Variants in GPCPD1 observed in about 807,000 individuals in gnomAD.
GPCPD1 encodes glycerophosphocholine phosphodiesterase GPCPD1.
In GPCPD1, 29 loss-of-function variants were observed where a neutral mutation model predicts 89.2. That is an observed-to-expected ratio of 0.33 (90% confidence interval 0.24 to 0.44). The LOEUF (loss-of-function observed/expected upper bound fraction) is 0.44, where lower values mean the gene tolerates loss of function less well. GPCPD1 is among the 20% of genes least tolerant of loss of function. The pLI is 1.00. For missense variants in GPCPD1, 594 were observed against 808.9 expected (o/e 0.73, Z 3.22); for synonymous variants, 258 against 266.3 (o/e 0.97, Z 0.30).
rs553111462 is a variant in GPCPD1, at chr20:5,589,988, A to T, written c.231+3339T>A. Among the ~76,000 whole-genome samples, 11 of 152,338 alleles carry T rather than the reference A, an allele frequency of 7.2e-5. No individual in the cohort carries two copies. In the East Asian group the frequency reaches 7.7e-4, roughly 11 times the overall value. ...CATGTATATTAACAAAAATATTTTT[A>T]AAAATTTCTTCCCACAAGAATAAGT... is the stretch of plus-strand genomic sequence containing the variant. On this transcript the variant is annotated intron_variant, in intron 4 of 19. Coordinates refer to ENST00000379019, the MANE Select transcript of GPCPD1 (RefSeq NM_019593.5).
At position 5,586,221 on chromosome 20, in the gene GPCPD1, G is replaced by C; in HGVS notation, c.280C>G (p.Leu94Val). 6.3e-7 allele frequency: 1 copy of C among 1,596,172 alleles called. No individual in the cohort carries two copies. Among genetic ancestry groups the C allele is most frequent in the Non-Finnish European group, 8.6e-7 (1 of 1,163,846 alleles). Residue 94 changes from leucine to valine, a missense_variant, in exon 5 of 20, where the codon CTA becomes GTA. Transcript: ENST00000379019. ...AAAGGGGTTATTGATCGTGGTTGTA[G>C]ATGAGTCTCCCACTTGTGAACTATC... ...QVIVHKWETH[L>V]QPRSITPLES...
intron 18 of GPCPD1, among the ~76,000 whole-genome samples, 185 bp downstream of exon 18, chr20:5,558,499 T>A (rs1985902742): frequency 6.6e-6 from 1 of 152,196 alleles, no homozygotes; most frequent in African/African-American, 2.4e-5. Flanking sequence ...TATAACAAAT[T>A]TTGTACTTAA....
At chr20:5,570,292 T>G in intron 11 of GPCPD1, 53 bp from the exon 12 acceptor site, 4 of 857,236 alleles carry the variant, frequency 4.7e-6, no homozygotes, top group South Asian at 1.5e-5. Context: ...ACAGTACCTC[T>G]CAAACTGCAA....
chr20:5,558,510 T>C (rs927913026), intron 18 of GPCPD1, among the ~76,000 whole-genome samples, 174 bp downstream of exon 18: 1 of 152,250 alleles, frequency 6.6e-6, no homozygotes, highest in Non-Finnish European at 1.5e-5. Context: ...TTGTACTTAA[T>C]GTAATTGTTT....
At chr20:5,579,920 T>C (rs913618177) in intron 7 of GPCPD1, 88 bp downstream of exon 7, 2 of 775,918 alleles carry the variant, frequency 2.6e-6, no homozygotes, top group African/African-American at 3.5e-5. Context: ...TCCCAAACTG[T>C]ACACTTAAAG....
intron 3 of GPCPD1, among the ~76,000 whole-genome samples, chr20:5,595,302 AAAAT>A (rs1271100906): frequency 2.0e-5 from 3 of 152,050 alleles, no homozygotes; most frequent in Non-Finnish European, 4.4e-5. Context: ...ATAATAATAA[AAAAT>A]AAATAAATAA....
rs189049042 is a variant in GPCPD1, at chr20:5,555,500, T to C, written c.1829+2445A>G. ...GTTGCAGTGAGCCGAGATTGTGCCA[T>C]TGCACTGCAGCCTGGGCGACAGAGC... On this transcript the variant is annotated intron_variant, in intron 19 of 19. Coordinates refer to ENST00000379019, the MANE Select transcript of GPCPD1 (RefSeq NM_019593.5). Among the ~76,000 whole-genome samples the C allele has an allele frequency of 3.8e-3, 578 of 152,198 alleles. 3 individuals are homozygous for C. Among genetic ancestry groups the C allele is most frequent in the African/African-American group, 0.014 (568 of 41,534 alleles).
chr20:5,575,105 CAG>C (rs1244661918), intron 10 of GPCPD1, among the ~76,000 whole-genome samples: 10 of 152,146 alleles, frequency 6.6e-5, no homozygotes, highest in African/African-American at 1.9e-4. Context: ...AACTCAGACT[CAG>C]AGAGGGCAAC....
chr20:5,580,727 C>CA (rs35415062), intron 6 of GPCPD1, among the ~76,000 whole-genome samples: 31,312 of 85,696 alleles, frequency 0.37, 4,049 homozygotes, highest in East Asian at 0.52. Flanking sequence ...CTCCATCTCA[C>CA]AAAAAAAAAA....
Position 5,557,215 on chromosome 20 carries a change from G to C in GPCPD1, c.1829+730C>G, listed in dbSNP as rs73604574. 7.5e-3 allele frequency among the ~76,000 whole-genome samples: 1,144 copies of C among 152,288 alleles called. 8 individuals are homozygous for C. The highest frequency in any genetic ancestry group is 0.026 in the African/African-American group (1,067 of 41,542). ...ACAGAAAACTGTGGGAGAGTTTTAA[G>C]TAGCAACATGATCAGACATAGGTCT... is the stretch of plus-strand genomic sequence containing the variant. On this transcript the variant is annotated intron_variant, in intron 19 of 19. Transcript: ENST00000379019.
At chr20:5,584,610 T>C (rs1978783485) in intron 5 of GPCPD1, 1 of 196,312 alleles carries the variant, frequency 5.1e-6, no homozygotes, top group Non-Finnish European at 1.0e-5. Flanking sequence ...GATTAACTTC[T>C]ACACTAACCA....
At chr20:5,585,130 T>C (rs1023878943) in intron 5 of GPCPD1, 6 of 152,304 alleles carry the variant, frequency 3.9e-5, no homozygotes, top group South Asian at 2.1e-4. Context: ...CATAATAAAA[T>C]ATATTTAACT....
intron 19 of GPCPD1, among the ~76,000 whole-genome samples, chr20:5,556,487 A>G (rs1325061433): frequency 6.6e-6 from 1 of 152,220 alleles, no homozygotes; most frequent in East Asian, 1.9e-4. Context: ...TACAGGCGTG[A>G]GCCACTGCGC....
At chr20:5,598,178 A>G (rs1336603039) in intron 3 of GPCPD1, among the ~76,000 whole-genome samples, 1 of 146,542 alleles carries the variant, frequency 6.8e-6, no homozygotes, top group African/African-American at 2.6e-5. Context: ...TTTGTGCCAA[A>G]AAAAACCCCA....
intron 6 of GPCPD1, among the ~76,000 whole-genome samples, chr20:5,582,152 C>G (rs1376907606): frequency 1.6e-5 from 2 of 128,808 alleles, no homozygotes; most frequent in African/African-American, 5.9e-5. Context: ...CGCCACTGCA[C>G]TCCAGCCTGG....
rs1312381024 is a variant in GPCPD1, at chr20:5,587,441, T to C, written c.232-1172A>G. Among the ~76,000 whole-genome samples the C allele has an allele frequency of 3.9e-5, 6 of 151,938 alleles. No homozygotes were observed. The East Asian group carries it at 7.7e-4, about 19-fold the overall frequency. Reference sequence around the variant, plus strand: ...TAAAGTGCAATGGCACAATCTCGGCTCACTGCACCCTTGCCTCCTGGGTTC... The same window carrying C: ...TAAAGTGCAATGGCACAATCTCGGCCCACTGCACCCTTGCCTCCTGGGTTC... On this transcript the variant is annotated intron_variant, in intron 4 of 19. Coordinates refer to ENST00000379019, the MANE Select transcript of GPCPD1 (RefSeq NM_019593.5).
chr20:5,584,118 CAT>C (rs1467530572), intron 6 of GPCPD1, among the ~76,000 whole-genome samples, 161 bp downstream of exon 6: 1 of 152,142 alleles, frequency 6.6e-6, no homozygotes, highest in African/African-American at 2.4e-5. Context: ...TCATTATAAT[CAT>C]ATGAGACTGC....
At chr20:5,593,302 T>C (rs749245289) in intron 4 of GPCPD1, 25 bp downstream of exon 4, 2 of 1,187,516 alleles carry the variant, frequency 1.7e-6, no homozygotes. Context: ...CTAAAGGAAT[T>C]GGAAACTAGA....
Position 5,579,783 on chromosome 20 carries a change from T to C in GPCPD1, c.473+225A>G, listed in dbSNP as rs962595540. ...ATACATAAGCTTAGAAAACCACTTATCTATATAAACAAATGTTTTCTGGTT... is the reference window on the plus strand; with the variant it reads ...ATACATAAGCTTAGAAAACCACTTACCTATATAAACAAATGTTTTCTGGTT... On this transcript the variant is annotated intron_variant, in intron 7 of 19. Transcript: ENST00000379019. Among the ~76,000 whole-genome samples the C allele has an allele frequency of 6.6e-5, 10 of 152,210 alleles. No homozygotes were observed. Among genetic ancestry groups the C allele is most frequent in the Non-Finnish European group, 1.5e-4 (10 of 68,030 alleles).
Sources: allele counts gnomAD v4.1 joint callset (sites outside exome capture counted in the v4.1 genomes callset), GRCh38; gene constraint gnomAD v4.1.1; transcripts MANE v1.5; gene names NCBI Gene and HGNC (gene_info 2026-07-23, HGNC 2026-07-21).